AOPEP: variants seen among roughly 807,000 people sequenced by gnomAD.
AOPEP encodes aminopeptidase O.
A neutral mutation model predicts 98.1 loss-of-function variants in AOPEP; 77 were observed. The ratio of observed to expected loss-of-function variants is 0.78; its 90% CI spans 0.65 to 0.95. AOPEP has a LOEUF of 0.95. Among genes scored for constraint, AOPEP ranks in the 40% least tolerant of loss-of-function variants. The pLI, the probability that AOPEP is intolerant of heterozygous loss-of-function variation, is 0.00. For missense variants in AOPEP, 1,024 were observed against 1,024.7 expected (o/e 1.00, Z 0.01); for synonymous variants, 346 against 365.3 (o/e 0.95, Z 0.60).
chr9:95,097,483 T>A, the AOPEP span, among the ~76,000 whole-genome samples: 2 of 152,228 alleles, frequency 1.3e-5, no homozygotes, highest in Non-Finnish European at 2.9e-5. Context: ...CAAGGGCCTT[T>A]CTCCCGGCTG....
At chr9:94,853,391 T>C (rs7048078) in intron 5 of AOPEP, among the ~76,000 whole-genome samples, 144,123 of 152,108 alleles carry the variant, frequency 0.95, 68,300 homozygotes, top group Middle Eastern at 0.99. Context: ...ACCTGGGAAG[T>C]GGAGGTTGCA....
chr9:94,830,679 G>A (rs1855766153), intron 5 of AOPEP, among the ~76,000 whole-genome samples: 1 of 152,188 alleles, frequency 6.6e-6, no homozygotes, highest in African/African-American at 2.4e-5. Context: ...AAGTGTAAAA[G>A]CATTCTTTTT....
At chr9:94,759,032 C>T (rs946932479) in intron 1 of AOPEP, among the ~76,000 whole-genome samples, 2 of 151,764 alleles carry the variant, frequency 1.3e-5, no homozygotes, top group African/African-American at 2.4e-5. Flanking sequence ...GAGTATTTAA[C>T]TATAAATTTG....
chr9:95,126,813 A>T, the AOPEP span: 5 of 510,856 alleles, frequency 9.8e-6, no homozygotes, highest in Non-Finnish European at 7.1e-6. Flanking sequence ...ATACTCCTGT[A>T]TGTCCCACAT....
At chr9:94,833,914 C>T (rs558761507) in intron 5 of AOPEP, among the ~76,000 whole-genome samples, 14 of 149,864 alleles carry the variant, frequency 9.3e-5, no homozygotes, top group East Asian at 1.9e-4. Context: ...TTTTGCAACT[C>T]GTAAATCATT....
the AOPEP span, among the ~76,000 whole-genome samples, chr9:95,092,775 CACA>C: frequency 3.9e-5 from 6 of 152,140 alleles, no homozygotes; most frequent in South Asian, 4.1e-4. Context: ...CCTCCCTTGC[CACA>C]ACGAGGTCTG....
chr9:94,921,429 T>A (rs2053608342), intron 5 of AOPEP: 2 of 152,218 alleles, frequency 1.3e-5, no homozygotes, highest in South Asian at 4.1e-4. Context: ...ATACTTAATA[T>A]TATTCCTTGA....
At chr9:94,809,081 G>C (rs1314774051) in intron 5 of AOPEP, among the ~76,000 whole-genome samples, 3 of 152,218 alleles carry the variant, frequency 2.0e-5, no homozygotes, top group African/African-American at 7.2e-5. Flanking sequence ...TGTGATGAAT[G>C]CTGATGATGC....
intron 4 of AOPEP, among the ~76,000 whole-genome samples, chr9:94,795,057 A>T (rs1846611412): frequency 6.6e-6 from 1 of 152,234 alleles, no homozygotes; most frequent in Admixed American, 6.5e-5. Context: ...AATCTCATTT[A>T]GTCCTAAGGA....
At chr9:95,080,162 C>G (rs763836153) in intron 14 of AOPEP, among the ~76,000 whole-genome samples, 2 of 152,220 alleles carry the variant, frequency 1.3e-5, no homozygotes, top group Non-Finnish European at 2.9e-5. Flanking sequence ...AACAGTGAAA[C>G]ACCCAACAGA....
At chr9:94,969,269 C>A (rs2059388771) in intron 10 of AOPEP, among the ~76,000 whole-genome samples, 1 of 151,500 alleles carries the variant, frequency 6.6e-6, no homozygotes, top group Non-Finnish European at 1.5e-5. Flanking sequence ...TTGGAGGTAT[C>A]CAGTTTTAGG....
intron 11 of AOPEP, among the ~76,000 whole-genome samples, chr9:94,987,706 A>T (rs915371113): frequency 6.6e-6 from 1 of 152,184 alleles, no homozygotes; most frequent in Non-Finnish European, 1.5e-5. Context: ...GGGTGAACGC[A>T]TTTTGATTGT....
the AOPEP span, among the ~76,000 whole-genome samples, chr9:95,120,882 T>C: frequency 6.6e-6 from 1 of 152,194 alleles, no homozygotes; most frequent in Non-Finnish European, 1.5e-5. Context: ...AATTTTTTTG[T>C]TCCTTTGGCA....
chr9:94,832,665 A>G (rs1270483850), intron 5 of AOPEP, among the ~76,000 whole-genome samples: 3 of 152,212 alleles, frequency 2.0e-5, no homozygotes, highest in Admixed American at 6.5e-5. Context: ...TATCCACACA[A>G]TGCAGCACTA....
chr9:95,068,999 C>T (rs558520706), intron 14 of AOPEP, among the ~76,000 whole-genome samples: 6 of 152,290 alleles, frequency 3.9e-5, no homozygotes, highest in Admixed American at 1.3e-4. Context: ...CAGCCCTGTT[C>T]ACTCCCTGTT....
At chr9:95,120,927 T>C in the AOPEP span, among the ~76,000 whole-genome samples, 1 of 152,310 alleles carries the variant, frequency 6.6e-6, no homozygotes, top group African/African-American at 2.4e-5. Flanking sequence ...CTTAAGTCAA[T>C]CAGATTGTGC....
chr9:94,778,753 C>T (rs56401778), intron 3 of AOPEP, among the ~76,000 whole-genome samples: 8 of 152,094 alleles, frequency 5.3e-5, no homozygotes, highest in African/African-American at 1.4e-4. Context: ...TATGGCCAGG[C>T]GTGGTGGCTC....
intron 13 of AOPEP, among the ~76,000 whole-genome samples, chr9:95,035,576 T>C (rs2064741380): frequency 7.4e-6 from 1 of 135,604 alleles, no homozygotes; most frequent in Admixed American, 8.7e-5. Flanking sequence ...TGGAGTGCAG[T>C]GGCGCGATCT....
intron 3 of AOPEP, among the ~76,000 whole-genome samples, chr9:94,782,294 A>G (rs1443967611): frequency 2.0e-5 from 3 of 152,208 alleles, no homozygotes; most frequent in Non-Finnish European, 4.4e-5. Context: ...CTCCTTCCAG[A>G]TGAAGGAGAA....
Sources: gnomAD v4.1 joint callset for allele counts (sites outside exome capture counted in the v4.1 genomes callset) on GRCh38, gnomAD v4.1.1 for gene constraint, MANE v1.5 for transcripts, NCBI Gene and HGNC (gene_info 2026-07-23, HGNC 2026-07-21) for gene names.